Variants in PCNX2 observed in about 807,000 individuals in gnomAD.
PCNX2 encodes the protein pecanex-like protein 2.
In PCNX2, 168 loss-of-function variants were observed where a neutral mutation model predicts 223.8. The ratio of observed to expected loss-of-function variants is 0.75; its 90% confidence interval spans 0.66 to 0.85. The LOEUF is 0.85. Among genes scored for constraint, PCNX2 ranks in the 40% least tolerant of loss-of-function variants. PCNX2 has a pLI of 0.00. For synonymous variants in PCNX2, 1,006 were observed against 1,052.6 expected, an observed-to-expected ratio of 0.96 and a Z score of 0.86; for missense variants, 2,507 against 2,675.5, an observed-to-expected ratio of 0.94 and a Z score of 1.39.
At chr1:233,261,918 T>C in intron 3 of PCNX2, 127 bp downstream of exon 3, 2 of 1,402,702 alleles carry the variant, frequency 1.4e-6, no homozygotes, top group South Asian at 2.4e-5. Flanking sequence ...GATGTGATAT[T>C]CCACTGTACA....
chr1:233,054,194 C>A (rs1298917210), intron 25 of PCNX2, 74 bp downstream of exon 25: 2 of 1,387,098 alleles, frequency 1.4e-6, no homozygotes, highest in Non-Finnish European at 2.0e-6. Flanking sequence ...ACAGTGACTT[C>A]TTCCTAAAGT....
At position 233,177,817 on chromosome 1, in the gene PCNX2, C is replaced by A. The variant is rs1325808366; in HGVS notation, c.3258G>T (p.Lys1086Asn). The A allele has an allele frequency of 1.2e-6, 2 of 1,613,362 alleles. No individual in the cohort carries two copies. The highest frequency in any genetic ancestry group is 1.3e-5 in the African/African-American group (1 of 74,890). ...AESAADPLPK[K>N]MKDSVTDVLK... ...AATGTCTCACCACTGAATCTTTCAT[C>A]TTCTTGGGGAGAGGGTCAGCAGCTG... is the stretch of plus-strand genomic sequence containing the variant. Residue 1086 changes from lysine (K) to asparagine (N), a missense_variant, in exon 17 of 34, where the codon AAG becomes AAT. Physicochemically the swap from Lys to Asn is moderately conservative, Grantham distance 94. Transcript: ENST00000258229.
intron 15 of PCNX2, among the ~76,000 whole-genome samples, chr1:233,196,969 G>C (rs1262126340): frequency 6.6e-6 from 1 of 152,096 alleles, no homozygotes; most frequent in African/African-American, 2.4e-5. Flanking sequence ...GTGGTAACTT[G>C]TCTACACACA....
intron 21 of PCNX2, among the ~76,000 whole-genome samples, chr1:233,119,589 A>AC (rs1558250328): frequency 0.038 from 5,448 of 144,606 alleles, 307 homozygotes; most frequent in African/African-American, 0.13. Context: ...TGTCTCAAAA[A>AC]AAAAAAAACA....
chr1:233,076,714 T>C (rs922830671), intron 23 of PCNX2, among the ~76,000 whole-genome samples: 1 of 152,222 alleles, frequency 6.6e-6, no homozygotes, highest in African/African-American at 2.4e-5. Flanking sequence ...TACAATCATC[T>C]TGAGACACCT....
intron 23 of PCNX2, among the ~76,000 whole-genome samples, chr1:233,074,451 T>C (rs1051004025): frequency 7.9e-5 from 12 of 151,110 alleles, no homozygotes; most frequent in African/African-American, 2.2e-4. Context: ...AAAAATTAGC[T>C]GGGCGTAGTG....
intron 25 of PCNX2, among the ~76,000 whole-genome samples, chr1:233,031,247 A>C (rs965236525): frequency 6.6e-6 from 1 of 152,232 alleles, no homozygotes; most frequent in Non-Finnish European, 1.5e-5. Context: ...ATGTCTTTGA[A>C]TCTTTCTACA....
intron 1 of PCNX2, chr1:233,294,079 G>A (rs6667845): frequency 0.37 from 284,901 of 768,850 alleles, 53,574 homozygotes; most frequent in Admixed American, 0.53. Flanking sequence ...AGTGGTGATT[G>A]TGATGATCAC....
intron 8 of PCNX2, 86 bp from the exon 9 acceptor site, chr1:233,237,066 A>G: frequency 6.5e-7 from 1 of 1,542,802 alleles, no homozygotes; most frequent in South Asian, 1.2e-5. Flanking sequence ...GGACAATAGG[A>G]ATGCCCAAAG....
intron 28 of PCNX2, among the ~76,000 whole-genome samples, chr1:233,008,755 G>A (rs1670368604): frequency 6.6e-6 from 1 of 152,208 alleles, no homozygotes; most frequent in Admixed American, 6.5e-5. Flanking sequence ...GGGCTGGCAG[G>A]AAAGGGCAAG....
rs2102988654 is a variant in PCNX2 at position 233,253,181 on chromosome 1, G to A, written c.1835-393C>T. Among the ~76,000 whole-genome samples, 1 of 152,208 alleles carries A rather than the reference G, an allele frequency of 6.6e-6. No homozygotes were observed. Among genetic ancestry groups the A allele is most frequent in the African/African-American group, 2.4e-5 (1 of 41,520 alleles). On this transcript the variant is annotated intron_variant, in intron 5 of 33. Coordinates refer to ENST00000258229, the MANE Select transcript of PCNX2 (RefSeq NM_014801.4). The surrounding 1 kb of genome is among the most constrained non-coding windows in gnomAD (Gnocchi z 4.2). Reference sequence around the variant, plus strand: ...TTTAAAAAATTACAAAAACAAATCTGGCTATTTCAGAACAAGGTCCCCTTT... The same window carrying A: ...TTTAAAAAATTACAAAAACAAATCTAGCTATTTCAGAACAAGGTCCCCTTT...
intron 7 of PCNX2, 78 bp downstream of exon 7, chr1:233,252,276 C>A: frequency 6.8e-7 from 1 of 1,463,954 alleles, no homozygotes; most frequent in Non-Finnish European, 9.3e-7. Flanking sequence ...AGTACTCATG[C>A]TAAGGTATCA....
In PCNX2 at chr1:233,156,229, TATA is replaced by T. The variant is rs1437580677; in HGVS notation, c.3517+4051_3517+4053del. ...TCAACATGCAGTCTTCAACTTCAGT[TATA>T]ATATCTATTTCCATTTATCACAGTC... On this transcript the variant is annotated intron_variant, in intron 19 of 33. Transcript: ENST00000258229. 2.0e-5 allele frequency among the ~76,000 whole-genome samples: 3 copies of T among 152,220 alleles called. No individual in the cohort carries two copies. In the East Asian group the frequency reaches 5.8e-4, roughly 29 times the overall value.
chr1:233,276,347 C>T (rs1252342332), intron 1 of PCNX2, among the ~76,000 whole-genome samples: 1 of 151,908 alleles, frequency 6.6e-6, no homozygotes, highest in African/African-American at 2.4e-5. Context: ...TATTGTCTAA[C>T]GGGAATGGAA....
At chr1:233,295,998 C>CTTTT (rs201102619), upstream of PCNX2, among the ~76,000 whole-genome samples, 42 of 96,856 alleles carry the variant, frequency 4.3e-4, no homozygotes, top group South Asian at 1.0e-3. The surrounding 1 kb of genome is among the most constrained non-coding windows in gnomAD (Gnocchi z 4.1). Flanking sequence ...TTCTTTCTTT[C>CTTTT]TTTCTTTTTT....
intron 23 of PCNX2, chr1:233,058,085 T>C (rs904026993): frequency 1.0e-6 from 1 of 981,640 alleles, no homozygotes; most frequent in Non-Finnish European, 1.2e-6. Flanking sequence ...TGGTAACAAG[T>C]GGCCACTAGA....
At chr1:233,161,180 C>T (rs1373049276) in intron 18 of PCNX2, 91 bp downstream of exon 18, 11 of 1,190,336 alleles carry the variant, frequency 9.2e-6, no homozygotes, top group South Asian at 2.7e-5. Context: ...CTCTGGCTCA[C>T]GTGTCTTGTC....
chr1:233,166,373 C>G (rs1468747534), intron 17 of PCNX2, among the ~76,000 whole-genome samples: 6 of 151,638 alleles, frequency 4.0e-5, no homozygotes, highest in African/African-American at 1.5e-4. Context: ...AAAGTTGGAA[C>G]TATAAAAGAA....
chr1:233,312,060 G>A, the PCNX2 span, among the ~76,000 whole-genome samples: 3 of 152,168 alleles, frequency 2.0e-5, no homozygotes, highest in Non-Finnish European at 2.9e-5. Context: ...CCCGGGAGGC[G>A]GAGGTTGCAG....
Sources: gnomAD v4.1 joint callset for allele counts (sites outside exome capture counted in the v4.1 genomes callset) on GRCh38, gnomAD v4.1.1 for gene constraint, Gnocchi (gnomAD v3.1) non-coding constraint, MANE v1.5 for transcripts, NCBI Gene and HGNC (gene_info 2026-07-23, HGNC 2026-07-21) for gene names.